Variants in ARHGAP15 observed in about 807,000 individuals in gnomAD.
The protein encoded by ARHGAP15 is rho GTPase-activating protein 15.
A neutral mutation model predicts 63.7 loss-of-function variants in ARHGAP15; 51 were observed. The observed-to-expected ratio is 0.80, with a 90% confidence interval of 0.64 to 1.01. The LOEUF (loss-of-function observed/expected upper bound fraction) is 1.01. Among genes scored for constraint, ARHGAP15 ranks in the 50% least tolerant of loss-of-function variants. The pLI is 0.00. For missense variants in ARHGAP15, 560 were observed against 564.6 expected (o/e 0.99, Z 0.08); for synonymous variants, 191 against 193.8 (o/e 0.99, Z 0.12).
chr2:143,478,181 T>C (rs1422687838), intron 8 of ARHGAP15, among the ~76,000 whole-genome samples: 1 of 152,182 alleles, frequency 6.6e-6, no homozygotes, highest in Non-Finnish European at 1.5e-5. Context: ...ACTCAATTCA[T>C]GTCCATGGTG....
intron 2 of ARHGAP15, among the ~76,000 whole-genome samples, chr2:143,181,936 C>G (rs1691250034): frequency 7.8e-6 from 1 of 128,454 alleles, no homozygotes; most frequent in African/African-American, 2.9e-5. Flanking sequence ...TTAATAATTT[C>G]TAGCTTTTGA....
chr2:143,657,068 C>T (rs527569437), intron 12 of ARHGAP15, among the ~76,000 whole-genome samples: 9 of 151,984 alleles, frequency 5.9e-5, no homozygotes, highest in East Asian at 1.9e-4. Flanking sequence ...TATTTGTGGC[C>T]GAGCGTGGTG....
intron 13 of ARHGAP15, among the ~76,000 whole-genome samples, chr2:143,717,213 A>C (rs1024459259): frequency 6.6e-5 from 10 of 152,202 alleles, no homozygotes; most frequent in South Asian, 2.1e-4. Flanking sequence ...TTCTTCCAGA[A>C]GCAGCATCTG....
chr2:143,749,485 T>C (rs562863865), intron 13 of ARHGAP15, among the ~76,000 whole-genome samples: 2 of 152,282 alleles, frequency 1.3e-5, no homozygotes, highest in East Asian at 3.9e-4. Flanking sequence ...GAACAGTAGG[T>C]AACAGTTCAT....
At chr2:143,728,588 G>A (rs1201021332) in intron 13 of ARHGAP15, among the ~76,000 whole-genome samples, 1 of 152,170 alleles carries the variant, frequency 6.6e-6, no homozygotes, top group East Asian at 1.9e-4. Context: ...TGATTTTTCA[G>A]TCACATCCTC....
intron 6 of ARHGAP15, among the ~76,000 whole-genome samples, chr2:143,409,741 T>C (rs1688367562): frequency 6.6e-6 from 1 of 152,138 alleles, no homozygotes; most frequent in Non-Finnish European, 1.5e-5. Context: ...CAATTGCCTG[T>C]AGTGTTCAGT....
chr2:143,351,116 C>T (rs1203664048), intron 6 of ARHGAP15: 1 of 151,958 alleles, frequency 6.6e-6, no homozygotes, highest in Non-Finnish European at 1.5e-5. Flanking sequence ...AGAATGGATG[C>T]CGTATGCACA....
chr2:143,232,994 C>T (rs906314103), intron 5 of ARHGAP15, among the ~76,000 whole-genome samples: 3 of 152,110 alleles, frequency 2.0e-5, no homozygotes, highest in Non-Finnish European at 4.4e-5. Flanking sequence ...TACTTATCAA[C>T]AAATAAAGCT....
At chr2:143,257,600 G>C (rs1006622396) in intron 6 of ARHGAP15, among the ~76,000 whole-genome samples, 6 of 152,122 alleles carry the variant, frequency 3.9e-5, no homozygotes, top group Non-Finnish European at 4.4e-5. Context: ...ACATCATATT[G>C]TGAATCCCTT....
intron 6 of ARHGAP15, among the ~76,000 whole-genome samples, chr2:143,284,274 A>G (rs1681990364): frequency 6.6e-6 from 1 of 152,194 alleles, no homozygotes; most frequent in Non-Finnish European, 1.5e-5. Context: ...TGTTTTACTC[A>G]GCGCCACCTA....
chr2:143,756,838 T>C (rs1023654770), intron 13 of ARHGAP15, among the ~76,000 whole-genome samples: 28 of 152,154 alleles, frequency 1.8e-4, no homozygotes, highest in African/African-American at 6.8e-4. Context: ...ATTAGGTGAT[T>C]AAAAAATCAA....
rs528416251 is a variant in ARHGAP15, at chr2:143,408,299, C to A, written c.475-27302C>A. Among the ~76,000 whole-genome samples, 114 of 148,988 alleles carry A rather than the reference C, an allele frequency of 7.7e-4. 3 individuals are homozygous for A. The South Asian group carries it at 0.023, about 30-fold the overall frequency. On this transcript the variant is annotated intron_variant, in intron 6 of 13. Coordinates refer to ENST00000295095, the MANE Select transcript of ARHGAP15 (RefSeq NM_018460.4). ...GCAAACTACTTTTAATAGATTTTTTCTATAAAAATCTATAAAATTTTTATA... is the reference window on the plus strand; with the variant it reads ...GCAAACTACTTTTAATAGATTTTTTATATAAAAATCTATAAAATTTTTATA...
chr2:143,707,092 T>A (rs980667632), intron 13 of ARHGAP15, among the ~76,000 whole-genome samples: 1 of 152,160 alleles, frequency 6.6e-6, no homozygotes, highest in African/African-American at 2.4e-5. Flanking sequence ...TAACCTTTTA[T>A]GAACCAGAAA....
chr2:143,704,440 T>C (rs1057215290), intron 13 of ARHGAP15, among the ~76,000 whole-genome samples: 2 of 152,038 alleles, frequency 1.3e-5, no homozygotes, highest in African/African-American at 2.4e-5. Context: ...TGGGATACCA[T>C]TGGGAAAGGA....
At chr2:143,652,025 A>G (rs1300072628) in intron 12 of ARHGAP15, among the ~76,000 whole-genome samples, 2 of 151,914 alleles carry the variant, frequency 1.3e-5, no homozygotes, top group African/African-American at 2.4e-5. Flanking sequence ...TTGTCCATGT[A>G]AGTAGAGGTT....
At chr2:143,416,290 C>G (rs961987362) in intron 6 of ARHGAP15, among the ~76,000 whole-genome samples, 1 of 152,098 alleles carries the variant, frequency 6.6e-6, no homozygotes, top group African/African-American at 2.4e-5. Context: ...TACTTGGTCT[C>G]GTGGCATATA....
At chr2:143,420,552 A>G (rs1179330546) in intron 6 of ARHGAP15, among the ~76,000 whole-genome samples, 1 of 152,128 alleles carries the variant, frequency 6.6e-6, no homozygotes, top group Non-Finnish European at 1.5e-5. Context: ...ACTATATTTA[A>G]TTATCATTGT....
intron 6 of ARHGAP15, among the ~76,000 whole-genome samples, chr2:143,399,402 T>C (rs1687905282): frequency 6.6e-6 from 1 of 151,988 alleles, no homozygotes; most frequent in Non-Finnish European, 1.5e-5. Flanking sequence ...TTTGCTTCTA[T>C]CTAAAAAAGC....
chr2:143,271,825 T>G (rs1358996899), intron 6 of ARHGAP15, among the ~76,000 whole-genome samples: 1 of 152,220 alleles, frequency 6.6e-6, no homozygotes, highest in Non-Finnish European at 1.5e-5. Context: ...TCTAACAAAC[T>G]CATTCACTCT....
Sources: allele counts gnomAD v4.1 joint callset (sites outside exome capture counted in the v4.1 genomes callset), GRCh38; gene constraint gnomAD v4.1.1; transcripts MANE v1.5; gene names NCBI Gene and HGNC (gene_info 2026-07-23, HGNC 2026-07-21).